The following ZFAND3 variants were observed in gnomAD, a reference collection of about 807,000 sequenced individuals.
ZFAND3 encodes zinc finger AN1-type containing 3, also known as AN1-type zinc finger protein 3.
In ZFAND3, 10 loss-of-function variants were observed where a neutral mutation model predicts 29.6. The observed-to-expected ratio is 0.34, with a 90% CI of 0.21 to 0.57. The LOEUF (loss-of-function observed/expected upper bound fraction) is 0.57. Among genes scored for constraint, ZFAND3 ranks in the 20% least tolerant of loss-of-function variants. ZFAND3 has a pLI of 0.86. For missense variants in ZFAND3, 230 were observed against 304.5 expected (o/e 0.76, Z 1.82); for synonymous variants, 128 against 112.6 (o/e 1.14, Z -0.87).
intron 1 of ZFAND3, among the ~76,000 whole-genome samples, chr6:37,914,222 T>C (rs922276067): frequency 6.6e-5 from 10 of 152,182 alleles, no homozygotes; most frequent in African/African-American, 2.4e-4. Flanking sequence ...GAATTTTTTT[T>C]TCTGAGCAGT....
At chr6:38,130,301 A>C (rs998187653) in intron 5 of ZFAND3, among the ~76,000 whole-genome samples, 1 of 152,074 alleles carries the variant, frequency 6.6e-6, no homozygotes, top group African/African-American at 2.4e-5. Context: ...GATGCCCTTT[A>C]TTTCTTTCTC....
chr6:37,927,845 A>T (rs1238499974), intron 1 of ZFAND3, among the ~76,000 whole-genome samples: 1 of 152,224 alleles, frequency 6.6e-6, no homozygotes, highest in Non-Finnish European at 1.5e-5. Context: ...GAAGTTTGGC[A>T]TGATGAATAG....
At chr6:38,147,446 A>T (rs1050967081) in intron 5 of ZFAND3, among the ~76,000 whole-genome samples, 5 of 152,276 alleles carry the variant, frequency 3.3e-5, no homozygotes, top group African/African-American at 1.2e-4. Flanking sequence ...TGCCACAATA[A>T]ACATGCGAAT....
At chr6:37,896,637 C>T (rs1416680853) in intron 1 of ZFAND3, among the ~76,000 whole-genome samples, 1 of 146,790 alleles carries the variant, frequency 6.8e-6, no homozygotes, top group African/African-American at 2.5e-5. Context: ...TTCTTGCCTT[C>T]CTGCCTTCCT....
In ZFAND3 at chr6:38,153,642, A is replaced by G; in HGVS notation, c.*1253A>G. 4.1e-6 allele frequency: 4 copies of G among 985,080 alleles called. No individual in the cohort carries two copies. The highest frequency in any genetic ancestry group is 3.6e-6 in the Non-Finnish European group (3 of 829,858). 61.0% of individuals were successfully genotyped at this position (985,080 alleles called of 1,614,324 possible). On this transcript the variant is annotated 3_prime_UTR_variant, in exon 6 of 6. Coordinates refer to ENST00000287218, the MANE Select transcript of ZFAND3 (RefSeq NM_021943.3). ...CCCCCTCATGTTCACAGAGGATTTC[A>G]GCAGCTGCAACTGCGCACGCCAGGT... is the stretch of plus-strand genomic sequence containing the variant.
At chr6:37,932,200 C>T (rs965607790) in intron 2 of ZFAND3, among the ~76,000 whole-genome samples, 3 of 151,418 alleles carry the variant, frequency 2.0e-5, no homozygotes, top group South Asian at 2.1e-4. Context: ...ACCTAGGAGG[C>T]GGAGTTTGCA....
In ZFAND3 at chr6:38,110,989, C is replaced by T. The variant is rs114096045; in HGVS notation, c.362-5583C>T. 5.9e-3 allele frequency among the ~76,000 whole-genome samples: 891 copies of T among 152,132 alleles called. 7 individuals are homozygous for T. Among genetic ancestry groups the T allele is most frequent in the African/African-American group, 0.02 (834 of 41,506 alleles). ...CACAATTTATTTGGAAATTTTCAGGCGGGAACATGAGTAATAAAGACAAGA... is the reference window on the plus strand; with the variant it reads ...CACAATTTATTTGGAAATTTTCAGGTGGGAACATGAGTAATAAAGACAAGA... On this transcript the variant is annotated intron_variant, in intron 4 of 5. Transcript: ENST00000287218.
rs932647924 is a variant in ZFAND3, at chr6:38,124,082, A to G, written c.529+7343A>G. Among the ~76,000 whole-genome samples the G allele has an allele frequency of 2.0e-5, 3 of 152,138 alleles. 1 individual carries two copies. The highest frequency in any genetic ancestry group is 6.3e-3 in the Middle Eastern group (2 of 316). On this transcript the variant is annotated intron_variant, in intron 5 of 5. Coordinates refer to ENST00000287218, the MANE Select transcript of ZFAND3 (RefSeq NM_021943.3). ...CAGGCTGCTGATTGGTGCGTTTACAATCCCTGAGCTAGACACAAAAGCTCT... is the reference window on the plus strand; with the variant it reads ...CAGGCTGCTGATTGGTGCGTTTACAGTCCCTGAGCTAGACACAAAAGCTCT...
chr6:37,843,815 G>T, intron 1 of ZFAND3, among the ~76,000 whole-genome samples: 1 of 149,832 alleles, frequency 6.7e-6, no homozygotes. Context: ...CTGTCCTTGT[G>T]TATCCTTGTA....
chr6:37,967,879 CT>C (rs1213484150), intron 2 of ZFAND3, among the ~76,000 whole-genome samples: 3 of 152,108 alleles, frequency 2.0e-5, no homozygotes, highest in African/African-American at 7.2e-5. Flanking sequence ...TGTAGTCACC[CT>C]TTTCTCTCCA....
chr6:38,028,608 G>A (rs571898806), intron 2 of ZFAND3, among the ~76,000 whole-genome samples: 6 of 152,168 alleles, frequency 3.9e-5, no homozygotes, highest in East Asian at 1.9e-4. Context: ...GTCCCATTGC[G>A]ACTAAAGTCT....
At chr6:38,014,809 G>A (rs781287326) in intron 2 of ZFAND3, among the ~76,000 whole-genome samples, 1 of 152,108 alleles carries the variant, frequency 6.6e-6, no homozygotes, top group Non-Finnish European at 1.5e-5. Context: ...GAGGATACAG[G>A]GAAGATGGTA....
intron 2 of ZFAND3, among the ~76,000 whole-genome samples, chr6:38,014,635 T>C (rs1453756719): frequency 6.6e-6 from 1 of 152,206 alleles, no homozygotes; most frequent in Admixed American, 6.5e-5. Context: ...CCCTAGATTT[T>C]TGTTTTTAAT....
At chr6:38,146,933 A>AT (rs927732548) in intron 5 of ZFAND3, among the ~76,000 whole-genome samples, 10 of 152,000 alleles carry the variant, frequency 6.6e-5, no homozygotes, top group African/African-American at 2.4e-4. Context: ...AGTGAATTTG[A>AT]TTTTTTTTAT....
chr6:38,120,671 A>G (rs2127486741), intron 5 of ZFAND3, among the ~76,000 whole-genome samples: 1 of 152,260 alleles, frequency 6.6e-6, no homozygotes, highest in East Asian at 1.9e-4. Context: ...GAACTGCAGA[A>G]CTAATTTTTA....
intron 3 of ZFAND3, among the ~76,000 whole-genome samples, chr6:38,078,772 AG>A (rs1764602669): frequency 6.6e-6 from 1 of 152,166 alleles, no homozygotes; most frequent in East Asian, 1.9e-4. Flanking sequence ...AATCATGAAG[AG>A]GCTTTCTCAC....
At chr6:38,122,676 A>AAT (rs1765558456) in intron 5 of ZFAND3, among the ~76,000 whole-genome samples, 1 of 152,178 alleles carries the variant, frequency 6.6e-6, no homozygotes, top group South Asian at 2.1e-4. Context: ...AAGTGATTTT[A>AAT]ATATGCACTC....
chr6:38,153,256 T>C lies in ZFAND3; in HGVS notation c.*867T>C, dbSNP rs546686702. ...ACACTGGCCTCTGCAGCCAGATTTCTATATTGGGAGTTTTTTAAAAAGACA... is the reference window on the plus strand; with the variant it reads ...ACACTGGCCTCTGCAGCCAGATTTCCATATTGGGAGTTTTTTAAAAAGACA... On this transcript the variant is annotated 3_prime_UTR_variant, in exon 6 of 6. Transcript: ENST00000287218. 240 of 985,484 alleles carry C rather than the reference T, an allele frequency of 2.4e-4. 1 individual carries two copies. In the African/African-American group the frequency reaches 3.9e-3, roughly 16 times the overall value. 61.0% of individuals were successfully genotyped at this position (985,484 alleles called of 1,614,324 possible). A position where few individuals can be genotyped will look rare whatever the true frequency, so the allele number is the denominator to read the frequency against.
chr6:37,926,427 T>C (rs1046720997), intron 1 of ZFAND3, among the ~76,000 whole-genome samples: 2 of 152,196 alleles, frequency 1.3e-5, no homozygotes, highest in African/African-American at 2.4e-5. Flanking sequence ...TGTAACCCTG[T>C]TACTCCAGCT....
Sources: gnomAD v4.1 joint callset for allele counts (sites outside exome capture counted in the v4.1 genomes callset) on GRCh38, gnomAD v4.1.1 for gene constraint, MANE v1.5 for transcripts, NCBI Gene and HGNC (gene_info 2026-07-23, HGNC 2026-07-21) for gene names.